Variants in KLF12 observed in about 807,000 individuals in gnomAD.
KLF12 encodes the protein Krueppel-like factor 12.
A neutral mutation model predicts 37.8 loss-of-function variants in KLF12; 9 were observed. The observed-to-expected ratio is 0.24, with a 90% confidence interval of 0.14 to 0.42. KLF12 has a LOEUF of 0.42. KLF12 is among the 10% of genes least tolerant of loss of function. The pLI, the probability that KLF12 is intolerant of heterozygous loss-of-function variation, is 1.00. For missense variants in KLF12, 411 were observed against 516.0 expected, an observed-to-expected ratio of 0.80 and a Z score of 1.97; for synonymous variants, 208 against 202.1, an observed-to-expected ratio of 1.03 and a Z score of -0.25.
At chr13:74,124,397 G>A (rs973960936) in intron 1 of KLF12, among the ~76,000 whole-genome samples, 1 of 152,010 alleles carries the variant, frequency 6.6e-6, no homozygotes, top group Non-Finnish European at 1.5e-5. Flanking sequence ...TTGTTCTCAC[G>A]TTTTACAAAA....
At chr13:74,110,016 AAGAG>A (rs1876884635) in intron 1 of KLF12, among the ~76,000 whole-genome samples, 1 of 152,218 alleles carries the variant, frequency 6.6e-6, no homozygotes, top group Admixed American at 6.5e-5. Flanking sequence ...ATGTGGGACT[AAGAG>A]AGGATAGTAA....
the KLF12 span, among the ~76,000 whole-genome samples, chr13:74,274,031 T>A: frequency 6.6e-6 from 1 of 152,148 alleles, no homozygotes; most frequent in Non-Finnish European, 1.5e-5. Context: ...AAACTCTGCC[T>A]CTTGAGGCAT....
intron 3 of KLF12, among the ~76,000 whole-genome samples, chr13:73,907,197 T>C (rs1888341251): frequency 6.6e-6 from 1 of 152,190 alleles, no homozygotes; most frequent in Non-Finnish European, 1.5e-5. Context: ...CATTATAAAA[T>C]ATATGATGGC....
chr13:74,143,798 A>G, the KLF12 span, among the ~76,000 whole-genome samples: 1 of 152,226 alleles, frequency 6.6e-6, no homozygotes, highest in African/African-American at 2.4e-5. Flanking sequence ...TGTTTTTCAC[A>G]TTCAATAAAC....
chr13:73,871,524 T>C (rs1317901033), intron 3 of KLF12, among the ~76,000 whole-genome samples: 1 of 152,128 alleles, frequency 6.6e-6, no homozygotes, highest in South Asian at 2.1e-4. Context: ...GGAATGCACA[T>C]TCTAAGTTCC....
intron 4 of KLF12, among the ~76,000 whole-genome samples, chr13:73,822,084 C>T (rs1883558914): frequency 6.6e-6 from 1 of 152,200 alleles, no homozygotes; most frequent in African/African-American, 2.4e-5. Context: ...CAGATCTCTA[C>T]TGAAAATGAT....
At chr13:74,205,376 A>T in the KLF12 span, among the ~76,000 whole-genome samples, 1 of 152,182 alleles carries the variant, frequency 6.6e-6, no homozygotes, top group South Asian at 2.1e-4. Flanking sequence ...GACAACTGGC[A>T]TCTTTTCTCT....
At chr13:73,896,645 T>C (rs1024157790) in intron 3 of KLF12, among the ~76,000 whole-genome samples, 5 of 152,362 alleles carry the variant, frequency 3.3e-5, no homozygotes, top group African/African-American at 9.6e-5. Flanking sequence ...ATTTTTAATA[T>C]GTAATAAAAT....
intron 3 of KLF12, among the ~76,000 whole-genome samples, chr13:73,856,953 C>T (rs1159973648): frequency 6.6e-6 from 1 of 152,100 alleles, no homozygotes; most frequent in Admixed American, 6.5e-5. Context: ...CGCCATCACA[C>T]TCCCAACATG....
chr13:73,822,736 A>G (rs1456719775), intron 4 of KLF12, among the ~76,000 whole-genome samples: 1 of 152,200 alleles, frequency 6.6e-6, no homozygotes, highest in East Asian at 1.9e-4. Flanking sequence ...TACGTCTTAG[A>G]GCATAAAAGG....
At chr13:74,290,198 G>C in the KLF12 span, among the ~76,000 whole-genome samples, 1 of 152,288 alleles carries the variant, frequency 6.6e-6, no homozygotes, top group South Asian at 2.1e-4. Flanking sequence ...TCCAAGTTTA[G>C]TCTCTGCAGC....
At chr13:73,962,771 C>T (rs1221528508) in intron 2 of KLF12, among the ~76,000 whole-genome samples, 1 of 152,116 alleles carries the variant, frequency 6.6e-6, no homozygotes, top group Non-Finnish European at 1.5e-5. Context: ...AATAAATGGA[C>T]AATTCGATAA....
At chr13:74,170,576 T>C in the KLF12 span, among the ~76,000 whole-genome samples, 1 of 152,202 alleles carries the variant, frequency 6.6e-6, no homozygotes, top group Admixed American at 6.5e-5. Context: ...TGAGTATGTT[T>C]GGCCATTATA....
chr13:74,103,234 T>C (rs760421947), intron 1 of KLF12, among the ~76,000 whole-genome samples: 3 of 152,256 alleles, frequency 2.0e-5, no homozygotes, highest in Non-Finnish European at 4.4e-5. Context: ...AAACTAACTG[T>C]AGGACACTTT....
the KLF12 span, among the ~76,000 whole-genome samples, chr13:74,192,278 G>C: frequency 6.6e-6 from 1 of 152,002 alleles, no homozygotes; most frequent in Non-Finnish European, 1.5e-5. Flanking sequence ...AGTTATTCCA[G>C]TTCAATTCCT....
chr13:74,019,102 AATGGGGACTCAC>A (rs1892774466), intron 1 of KLF12, among the ~76,000 whole-genome samples: 1 of 152,202 alleles, frequency 6.6e-6, no homozygotes, highest in Non-Finnish European at 1.5e-5. Flanking sequence ...AGGGTCTTCA[AATGGGGACTCAC>A]AATTGAGGCA....
chr13:73,942,430 A>T (rs959510383), intron 3 of KLF12, among the ~76,000 whole-genome samples: 1 of 152,154 alleles, frequency 6.6e-6, no homozygotes, highest in Non-Finnish European at 1.5e-5. Flanking sequence ...TACTAAACTC[A>T]TGATAATGCA....
chr13:74,253,565 T>C, the KLF12 span, among the ~76,000 whole-genome samples: 3 of 152,348 alleles, frequency 2.0e-5, no homozygotes, highest in South Asian at 6.2e-4. Flanking sequence ...TAAGTAGCTA[T>C]GTATCAATTT....
chr13:73,858,939 C>G (rs1055600515), intron 3 of KLF12, among the ~76,000 whole-genome samples: 2 of 152,112 alleles, frequency 1.3e-5, no homozygotes, highest in Non-Finnish European at 2.9e-5. Flanking sequence ...TCAATTTTAA[C>G]TGATGATTTT....
Sources: gnomAD v4.1 joint callset for allele counts (sites outside exome capture counted in the v4.1 genomes callset) on GRCh38, gnomAD v4.1.1 for gene constraint, MANE v1.5 for transcripts, NCBI Gene and HGNC (gene_info 2026-07-23, HGNC 2026-07-21) for gene names.